Variants in CLCN4 observed in about 807,000 individuals in gnomAD.
The protein encoded by CLCN4 is H(+)/Cl(-) exchange transporter 4.
A neutral mutation model predicts 41.7 loss-of-function variants in CLCN4; 1 was observed. The ratio of observed to expected loss-of-function variants is 0.02; its 90% CI spans 0.01 to 0.11. The LOEUF is 0.11. CLCN4 is among the 10% of genes least tolerant of loss of function. CLCN4 has a pLI of 1.00. For missense variants in CLCN4, 287 were observed against 661.0 expected (o/e 0.43, Z 6.20); for synonymous variants, 277 against 285.8 (o/e 0.97, Z 0.31).
chrX:10,216,861 T>A (rs1297138317), intron 11 of CLCN4, among the ~76,000 whole-genome samples: 1 of 72,692 alleles, frequency 1.4e-5, no homozygotes, highest in African/African-American at 4.8e-5. Context: ...TGGTGTCATC[T>A]ACACCTTTCT....
chrX:10,183,592 C>G (rs5933818), intron 2 of CLCN4, among the ~76,000 whole-genome samples: 54,757 of 110,660 alleles, frequency 0.49, 10,052 homozygotes, highest in East Asian at 0.95. Flanking sequence ...CTCTGTAAGA[C>G]TGTATTCTTT....
In CLCN4 at chrX:10,208,104, G is replaced by A. The variant is rs751563345; in HGVS notation, c.903G>A (p.Ala301=). Residue 301 remains alanine, a synonymous_variant, in exon 9 of 13, where the codon GCG becomes GCA. Coordinates refer to ENST00000380833, the MANE Select transcript of CLCN4 (RefSeq NM_001830.4). ...LWRSFFAALV[A]AFTLRSINPF... is the part of the protein sequence containing the mutation. ...GGTCATTTTTCGCAGCCCTGGTGGC[G>A]GCCTTTACGCTGAGATCCATCAATC... 2.5e-6 allele frequency: 3 copies of A among 1,209,578 alleles called. No homozygotes were observed. Among genetic ancestry groups the A allele is most frequent in the East Asian group, 3.0e-5 (1 of 33,743 alleles).
intron 12 of CLCN4, among the ~76,000 whole-genome samples, chrX:10,224,756 C>T (rs1924949114): frequency 9.0e-6 from 1 of 111,364 alleles, no homozygotes; most frequent in Non-Finnish European, 1.9e-5. Flanking sequence ...CCCACATCCA[C>T]GACAGGCCCC....
At chrX:10,184,775 A>G (rs1310921860) in intron 2 of CLCN4, among the ~76,000 whole-genome samples, 1 of 112,131 alleles carries the variant, frequency 8.9e-6, no homozygotes, top group Non-Finnish European at 1.9e-5. Context: ...AAGATTTTGC[A>G]GGAACTTAAC....
chrX:10,192,639 G>C (rs781457959), intron 4 of CLCN4, among the ~76,000 whole-genome samples: 5 of 111,812 alleles, frequency 4.5e-5, no homozygotes, highest in Non-Finnish European at 9.4e-5. Flanking sequence ...AGAATAATGG[G>C]TAACCATGGC....
At position 10,187,632 on chromosome X, in the gene CLCN4, C is replaced by T. The variant is rs763425301; in HGVS notation, c.244+18C>T. On this transcript the variant is annotated intron_variant, in intron 4 of 12. Transcript: ENST00000380833. ...GCTGGCGGGTACGTGGATGGGCATG[C>T]GGCACTCCCGTGGGAAGCTGCAGAG... is the stretch of plus-strand genomic sequence containing the variant. 298 of 1,151,885 alleles carry T rather than the reference C, an allele frequency of 2.6e-4. No homozygotes were observed. In the South Asian group the frequency reaches 3.4e-3, roughly 13 times the overall value. The allele number at this position is 1,151,885 out of a possible 1,213,427, so 94.9% of individuals were successfully genotyped here.
At chrX:10,176,859 G>A (rs1923545333) in intron 2 of CLCN4, among the ~76,000 whole-genome samples, 1 of 112,368 alleles carries the variant, frequency 8.9e-6, no homozygotes, top group African/African-American at 3.2e-5. Context: ...AGAGGGAACA[G>A]GTGGAAGGGC....
At chrX:10,171,114 C>T (rs1195879961) in intron 2 of CLCN4, among the ~76,000 whole-genome samples, 1 of 112,027 alleles carries the variant, frequency 8.9e-6, no homozygotes, top group African/African-American at 3.3e-5. Context: ...TCTCGAGCTC[C>T]TGACCTCAGG....
chrX:10,202,173 C>T lies in CLCN4; in HGVS notation c.555+4112C>T, dbSNP rs1443690945. The stretch of plus-strand genomic sequence containing the variant: ...GCAATGTAGTGAGACCTCATCTCTA[C>T]AAAAAAATGAAAATAAGCGGCAGAG... On this transcript the variant is annotated intron_variant, in intron 6 of 12. Coordinates refer to ENST00000380833, the MANE Select transcript of CLCN4 (RefSeq NM_001830.4). Among the ~76,000 whole-genome samples the T allele has an allele frequency of 2.7e-5, 3 of 110,165 alleles. No individual in the cohort carries two copies. The East Asian group carries it at 8.7e-4, about 32-fold the overall frequency.
In CLCN4 at chrX:10,237,227, A is replaced by G. The variant is rs1925274892; in HGVS notation, c.*3643A>G. On this transcript the variant is annotated 3_prime_UTR_variant, in exon 13 of 13. Coordinates refer to ENST00000380833, the MANE Select transcript of CLCN4 (RefSeq NM_001830.4). Reference sequence around the variant, plus strand: ...TAAATTACCAACATGTGCAAATTCTACTTAGTATTCATTATTAGATGCTAA... The same window carrying G: ...TAAATTACCAACATGTGCAAATTCTGCTTAGTATTCATTATTAGATGCTAA... The G allele has an allele frequency of 8.9e-6, 1 of 112,491 alleles. No homozygotes were observed. Among genetic ancestry groups the G allele is most frequent in the Admixed American group, 9.4e-5 (1 of 10,659 alleles). 9.3% of individuals were successfully genotyped at this position (112,491 alleles called of 1,213,427 possible).
chrX:10,205,310 A>C (rs1569229740), intron 6 of CLCN4, among the ~76,000 whole-genome samples: 1 of 109,550 alleles, frequency 9.1e-6, no homozygotes, highest in Non-Finnish European at 1.9e-5. Flanking sequence ...CATCTCTACT[A>C]AAAGTACAAA....
intron 6 of CLCN4, among the ~76,000 whole-genome samples, chrX:10,198,762 T>G (rs898848126): frequency 9.8e-5 from 11 of 112,276 alleles, no homozygotes; most frequent in Admixed American, 1.9e-4. Context: ...TCATGATAAT[T>G]GAGCTGATTC....
chrX:10,209,287 C>CCCTG (rs1200262509), intron 9 of CLCN4, among the ~76,000 whole-genome samples: 2 of 86,842 alleles, frequency 2.3e-5, no homozygotes, highest in African/African-American at 9.2e-5. Flanking sequence ...CTCCCTCCCT[C>CCCTG]CCTCCCTTCC....
intron 11 of CLCN4, among the ~76,000 whole-genome samples, chrX:10,216,918 T>TATATATATATATATATATATAC (rs773265490): frequency 1.5e-3 from 57 of 38,925 alleles, no homozygotes; most frequent in Admixed American, 2.2e-3. Flanking sequence ...TATATATATA[T>TATATATATATATATATATATAC]ACACACACAC....
chrX:10,167,790 G>C (rs1427381251), intron 2 of CLCN4, among the ~76,000 whole-genome samples: 1 of 112,696 alleles, frequency 8.9e-6, no homozygotes, highest in Non-Finnish European at 1.9e-5. Context: ...CAGCCACACT[G>C]CTCCCCACTT....
chrX:10,203,364 C>A (rs183045110), intron 6 of CLCN4, among the ~76,000 whole-genome samples: 1 of 111,500 alleles, frequency 9.0e-6, no homozygotes, highest in African/African-American at 3.3e-5. Flanking sequence ...ACGGGTCTAA[C>A]CACCACTAGT....
intron 2 of CLCN4, among the ~76,000 whole-genome samples, chrX:10,162,238 C>T (rs909749840): frequency 1.3e-4 from 14 of 110,720 alleles, no homozygotes; most frequent in Admixed American, 1.2e-3. Flanking sequence ...AGGCTGGTCT[C>T]GAACTCCTGA....
chrX:10,218,683 C>G (rs1275551329), intron 11 of CLCN4, among the ~76,000 whole-genome samples: 1 of 112,526 alleles, frequency 8.9e-6, no homozygotes, highest in African/African-American at 3.2e-5. Context: ...AGGCTTTTGC[C>G]TGTTCTTAGC....
chrX:10,230,185 G>T (rs1385719998), intron 12 of CLCN4, among the ~76,000 whole-genome samples: 1 of 111,789 alleles, frequency 8.9e-6, no homozygotes, highest in Non-Finnish European at 1.9e-5. Context: ...TAGTTTGCTA[G>T]TGTTTTCTCC....
Sources: gnomAD v4.1 joint callset for allele counts (sites outside exome capture counted in the v4.1 genomes callset) on GRCh38, gnomAD v4.1.1 for gene constraint, MANE v1.5 for transcripts, NCBI Gene and HGNC (gene_info 2026-07-23, HGNC 2026-07-21) for gene names.